LOC400499: variants seen among roughly 807,000 people sequenced by gnomAD.
At chr16:11,485,094 C>T in the LOC400499 span, 1 of 398,866 alleles carries the variant, frequency 2.5e-6, no homozygotes, top group Non-Finnish European at 4.4e-6. Flanking sequence ...AAGCCACAGG[C>T]TCAGGGAGGA....
chr16:11,457,308 A>G, the LOC400499 span, among the ~76,000 whole-genome samples: 1 of 152,156 alleles, frequency 6.6e-6, no homozygotes, highest in East Asian at 1.9e-4. Context: ...AAAATTAAAG[A>G]TCGGGCCGGG....
the LOC400499 span, among the ~76,000 whole-genome samples, chr16:11,416,159 A>G: frequency 6.6e-6 from 1 of 151,982 alleles, no homozygotes; most frequent in South Asian, 2.1e-4. Flanking sequence ...CATGTTGGCC[A>G]GGCTAGTCTC....
At chr16:11,458,505 CA>C in the LOC400499 span, among the ~76,000 whole-genome samples, 5,660 of 113,236 alleles carry the variant, frequency 0.05, 209 homozygotes, top group African/African-American at 0.13. Context: ...AACTCTGTCT[CA>C]AAAAAAAAAA....
At chr16:11,499,330 G>A in the LOC400499 span, among the ~76,000 whole-genome samples, 1 of 119,528 alleles carries the variant, frequency 8.4e-6, no homozygotes, top group African/African-American at 3.3e-5. Flanking sequence ...AGAGGGGAGA[G>A]GGGGAAGGGA....
the LOC400499 span, among the ~76,000 whole-genome samples, chr16:11,418,643 G>C: frequency 6.6e-6 from 1 of 152,204 alleles, no homozygotes; most frequent in African/African-American, 2.4e-5. Context: ...CAAGATCCAA[G>C]AACCCTCCCT....
chr16:11,435,895 G>A, the LOC400499 span: 1 of 399,272 alleles, frequency 2.5e-6, no homozygotes, highest in Admixed American at 4.4e-5. Context: ...GGGAGGCAGG[G>A]GAGGGACAGG....
chr16:11,435,934 G>A, the LOC400499 span: 3 of 398,780 alleles, frequency 7.5e-6, no homozygotes, highest in South Asian at 1.3e-4. Flanking sequence ...GGGTGTGGGG[G>A]AGGGCTGCCT....
At chr16:11,386,992 G>C in the LOC400499 span, 1 of 724,440 alleles carries the variant, frequency 1.4e-6, no homozygotes, top group South Asian at 7.3e-5. Context: ...AGGACCTTGG[G>C]AAGTCCAGTA....
chr16:11,522,350 C>G, the LOC400499 span, among the ~76,000 whole-genome samples: 1 of 152,314 alleles, frequency 6.6e-6, no homozygotes, highest in South Asian at 2.1e-4. Flanking sequence ...ATGGGCCAGG[C>G]TTTCTTCTAA....
At chr16:11,457,977 G>T in the LOC400499 span, among the ~76,000 whole-genome samples, 1 of 152,222 alleles carries the variant, frequency 6.6e-6, no homozygotes, top group Non-Finnish European at 1.5e-5. Context: ...CGAGGCAGGT[G>T]GATCACCTGG....
chr16:11,404,386 G>T, the LOC400499 span, among the ~76,000 whole-genome samples: 6 of 152,146 alleles, frequency 3.9e-5, no homozygotes, highest in Admixed American at 2.6e-4. Context: ...TCTCACTCTC[G>T]CTCAGGCTGG....
chr16:11,505,525 C>T, the LOC400499 span, among the ~76,000 whole-genome samples: 1 of 129,542 alleles, frequency 7.7e-6, no homozygotes, highest in African/African-American at 2.9e-5. Flanking sequence ...TTGATCACAG[C>T]TCACTGTAGC....
At chr16:11,476,122 T>C in the LOC400499 span, among the ~76,000 whole-genome samples, 2 of 124,808 alleles carry the variant, frequency 1.6e-5, no homozygotes, top group South Asian at 2.4e-4. Flanking sequence ...TTTAGGAGCA[T>C]GGAAAGAAGG....
chr16:11,390,143 G>A, the LOC400499 span: 1 of 1,232,354 alleles, frequency 8.1e-7, no homozygotes, highest in Non-Finnish European at 1.0e-6. Context: ...GTGGTTTGCA[G>A]AGCCTCTTCA....
the LOC400499 span, chr16:11,477,973 G>T: frequency 2.5e-6 from 1 of 398,976 alleles, no homozygotes; most frequent in Non-Finnish European, 4.4e-6. Context: ...GTGCGGCCAG[G>T]CTCAGCCTCC....
the LOC400499 span, among the ~76,000 whole-genome samples, chr16:11,382,345 C>A: frequency 6.6e-6 from 1 of 152,184 alleles, no homozygotes; most frequent in Non-Finnish European, 1.5e-5. Context: ...TGAATGGCAG[C>A]CACTAATTCT....
the LOC400499 span, among the ~76,000 whole-genome samples, chr16:11,373,822 G>A: frequency 6.6e-5 from 10 of 151,728 alleles, no homozygotes; most frequent in African/African-American, 2.4e-4. Flanking sequence ...GCTTCACCAT[G>A]TTGGTCATGC....
the LOC400499 span, among the ~76,000 whole-genome samples, chr16:11,515,006 G>A: frequency 1.3e-5 from 2 of 151,850 alleles, no homozygotes; most frequent in African/African-American, 2.4e-5. Flanking sequence ...GGAGGAGGGC[G>A]TGGGGAAAAG....
the LOC400499 span, among the ~76,000 whole-genome samples, chr16:11,437,908 G>A: frequency 6.6e-6 from 1 of 152,156 alleles, no homozygotes; most frequent in Non-Finnish European, 1.5e-5. Flanking sequence ...CTCATTAGAT[G>A]ACCCAGCATC....
Sources: gnomAD v4.1 joint callset for allele counts (sites outside exome capture counted in the v4.1 genomes callset) on GRCh38, gnomAD v4.1.1 for gene constraint, MANE v1.5 for transcripts.